The following SGPP2 variants were observed in gnomAD, a reference collection of about 807,000 sequenced individuals.
SGPP2 encodes sphingosine 1-phosphate phosphohydrolase 2.
SGPP2 carries 30 observed loss-of-function variants against 33.9 expected under a neutral mutation model. The ratio of observed to expected loss-of-function variants is 0.89; its 90% CI spans 0.66 to 1.20. SGPP2 has a LOEUF of 1.20. SGPP2 is among the 50% of genes most tolerant of loss of function. The pLI, the probability that SGPP2 is intolerant of heterozygous loss-of-function variation, is 0.00. For missense variants in SGPP2, 458 were observed against 532.1 expected, an observed-to-expected ratio of 0.86 and a Z score of 1.37; for synonymous variants, 233 against 225.0, an observed-to-expected ratio of 1.04 and a Z score of -0.32.
rs145256373 is a variant in SGPP2 at position 222,561,906 on chromosome 2, T to C, written c.*3008T>C. ...TTCCATTCATTTCTCACACAGCACT[T>C]TGCTCTGTTAAATCCTCTCTCTGTC... On this transcript the variant is annotated 3_prime_UTR_variant, in exon 5 of 5. Coordinates refer to ENST00000321276, the MANE Select transcript of SGPP2 (RefSeq NM_152386.4). Among the ~76,000 whole-genome samples, 1 of 144,868 alleles carries C rather than the reference T, an allele frequency of 6.9e-6. No individual in the cohort carries two copies. The highest frequency in any genetic ancestry group is 2.5e-5 in the African/African-American group (1 of 40,344).
chr2:222,513,613 G>A (rs115520769), intron 2 of SGPP2, among the ~76,000 whole-genome samples: 1,955 of 151,830 alleles, frequency 0.013, 52 homozygotes, highest in African/African-American at 0.045. Context: ...ATGTTGAGAT[G>A]GTAAGATCAT....
chr2:222,507,293 G>A (rs548046171), intron 2 of SGPP2, among the ~76,000 whole-genome samples: 4 of 152,194 alleles, frequency 2.6e-5, no homozygotes, highest in Admixed American at 2.6e-4. Flanking sequence ...AAGAGTCTTT[G>A]GTTAGTAATC....
At chr2:222,495,754 T>C (rs1698270378) in intron 2 of SGPP2, among the ~76,000 whole-genome samples, 1 of 152,164 alleles carries the variant, frequency 6.6e-6, no homozygotes, top group Non-Finnish European at 1.5e-5. Flanking sequence ...ATTCTTTGGC[T>C]CATAAATGAT....
rs73067714 is a variant in SGPP2, at chr2:222,481,083, G to A, written c.378+6357G>A. On this transcript the variant is annotated intron_variant, in intron 2 of 4. Transcript: ENST00000321276. ...CGTGAGGGGGAACAACACACACTGG[G>A]TACCTGTTGGGGGTTGGCAGGAGGG... Among the ~76,000 whole-genome samples, 1,071 of 152,250 alleles carry A rather than the reference G, an allele frequency of 7.0e-3. 12 individuals are homozygous for A. Among genetic ancestry groups the A allele is most frequent in the African/African-American group, 0.025 (1,020 of 41,540 alleles).
intron 4 of SGPP2, among the ~76,000 whole-genome samples, chr2:222,528,876 C>T (rs1352182586): frequency 1.3e-5 from 2 of 152,212 alleles, no homozygotes; most frequent in African/African-American, 4.8e-5. Context: ...CTCAGCCTCC[C>T]AAAGTGCTGG....
chr2:222,440,252 G>C (rs1254004971), intron 1 of SGPP2, among the ~76,000 whole-genome samples: 2 of 152,218 alleles, frequency 1.3e-5, no homozygotes, highest in Non-Finnish European at 2.9e-5. Context: ...GGAGAGCACA[G>C]AGAAGTGTTT....
intron 2 of SGPP2, among the ~76,000 whole-genome samples, chr2:222,520,692 A>C (rs1479779872): frequency 6.8e-6 from 1 of 146,418 alleles, no homozygotes; most frequent in Non-Finnish European, 1.5e-5. Flanking sequence ...TGCAGTGTGC[A>C]TTCCAGCCTG....
intron 4 of SGPP2, among the ~76,000 whole-genome samples, chr2:222,552,834 T>C (rs1013895329): frequency 7.2e-5 from 11 of 152,156 alleles, no homozygotes; most frequent in African/African-American, 2.7e-4. Context: ...CACTCCAGCC[T>C]GAGCAACAAG....
At position 222,476,080 on chromosome 2, in the gene SGPP2, A is replaced by G. The variant is rs187455539; in HGVS notation, c.378+1354A>G. 2.1e-4 allele frequency among the ~76,000 whole-genome samples: 32 copies of G among 152,328 alleles called. 1 individual carries two copies. The highest frequency in any genetic ancestry group is 7.5e-4 in the African/African-American group (31 of 41,580). On this transcript the variant is annotated intron_variant, in intron 2 of 4. Coordinates refer to ENST00000321276, the MANE Select transcript of SGPP2 (RefSeq NM_152386.4). The surrounding 1 kb of genome is among the most constrained non-coding windows in gnomAD (Gnocchi z 4.3). ...AAAGGTTATTTAGCTGGTGGAGGGA[A>G]CTTCCAGACAAGACTGTTGCCCTGA...
At chr2:222,427,430 T>C (rs1697087790) in intron 1 of SGPP2, among the ~76,000 whole-genome samples, 1 of 152,068 alleles carries the variant, frequency 6.6e-6, no homozygotes, top group African/African-American at 2.4e-5. Context: ...GGTTTGTTGT[T>C]GTTGTTGTTG....
At chr2:222,438,340 C>G (rs1042525489) in intron 1 of SGPP2, among the ~76,000 whole-genome samples, 2 of 152,234 alleles carry the variant, frequency 1.3e-5, no homozygotes, top group Non-Finnish European at 2.9e-5. Context: ...TTTGCTAGTT[C>G]TTGCTCACTG....
chr2:222,479,496 G>A (rs1324450625), intron 2 of SGPP2, among the ~76,000 whole-genome samples: 5 of 142,656 alleles, frequency 3.5e-5, no homozygotes, highest in Non-Finnish European at 6.0e-5. Context: ...CCCACCTCCC[G>A]GGATCACACC....
chr2:222,450,060 T>A (rs964939916), intron 1 of SGPP2, among the ~76,000 whole-genome samples: 4 of 152,222 alleles, frequency 2.6e-5, no homozygotes, highest in African/African-American at 9.6e-5. Context: ...GTCAATTTCA[T>A]GTGCTTCAAT....
intron 2 of SGPP2, among the ~76,000 whole-genome samples, chr2:222,507,807 T>C (rs1453586399): frequency 6.6e-6 from 1 of 152,214 alleles, no homozygotes; most frequent in Non-Finnish European, 1.5e-5. Context: ...GAAAATATAC[T>C]CTTCAGCCTC....
chr2:222,464,665 G>A (rs888830403), intron 1 of SGPP2, among the ~76,000 whole-genome samples: 1 of 152,034 alleles, frequency 6.6e-6, no homozygotes, highest in Non-Finnish European at 1.5e-5. Flanking sequence ...TTAATTTTTT[G>A]TAGAGACAGG....
At chr2:222,532,070 C>T (rs902433238) in intron 4 of SGPP2, among the ~76,000 whole-genome samples, 2 of 151,980 alleles carry the variant, frequency 1.3e-5, no homozygotes, top group Non-Finnish European at 2.9e-5. Context: ...GTCAGGAGTT[C>T]GAGACCAGCC....
At chr2:222,552,377 T>A (rs1689307240) in intron 4 of SGPP2, among the ~76,000 whole-genome samples, 1 of 152,176 alleles carries the variant, frequency 6.6e-6, no homozygotes, top group Non-Finnish European at 1.5e-5. Flanking sequence ...CATGTATTAT[T>A]TTTTAATTTT....
At chr2:222,482,820 G>A (rs566236998) in intron 2 of SGPP2, among the ~76,000 whole-genome samples, 2 of 152,282 alleles carry the variant, frequency 1.3e-5, no homozygotes, top group South Asian at 4.1e-4. Context: ...CAACTAACTA[G>A]GGCCACAGAG....
chr2:222,474,429 C>T, intron 1 of SGPP2, 139 bp from the exon 2 acceptor site: 1 of 665,690 alleles, frequency 1.5e-6, no homozygotes, highest in African/African-American at 1.8e-5. Context: ...AAGTGTTCAG[C>T]CACAGCAATG....
Sources: gnomAD v4.1 joint callset for allele counts (sites outside exome capture counted in the v4.1 genomes callset) on GRCh38, gnomAD v4.1.1 for gene constraint, Gnocchi (gnomAD v3.1) non-coding constraint, MANE v1.5 for transcripts, NCBI Gene and HGNC (gene_info 2026-07-23, HGNC 2026-07-21) for gene names.